PNKD: variants seen among roughly 807,000 people sequenced by gnomAD.
PNKD encodes the protein PNKD metallo-beta-lactamase domain containing.
PNKD carries 36 observed loss-of-function variants against 45.3 expected under a neutral mutation model. The observed-to-expected ratio is 0.80, with a 90% CI of 0.61 to 1.05. The LOEUF (loss-of-function observed/expected upper bound fraction) is 1.05, where lower values mean the gene tolerates loss of function less well. Among genes scored for constraint, PNKD ranks in the 50% least tolerant of loss-of-function variants. PNKD has a pLI of 0.00. For synonymous variants in PNKD, 197 were observed against 210.1 expected (o/e 0.94, Z 0.54); for missense variants, 511 against 506.6 (o/e 1.01, Z -0.08).
rs1324321693 is a variant in PNKD at position 218,315,127 on chromosome 2, TTC to T, written c.237-24654_237-24653del. On this transcript the variant is annotated intron_variant, in intron 2 of 9. Transcript: ENST00000273077. ...TTCCTTCCTTCCTTCCTTCCTTTCTTTCTTTCTTTCTTTCTTTCTTCTTTCTT... is the reference window on the plus strand; with the variant it reads ...TTCCTTCCTTCCTTCCTTCCTTTCTTTTTCTTTCTTTCTTTCTTCTTTCTT... Among the ~76,000 whole-genome samples the T allele has an allele frequency of 2.1e-5, 3 of 145,076 alleles. No homozygotes were observed. The East Asian group carries it at 6.0e-4, about 29-fold the overall frequency.
chr2:218,277,037 C>T lies in PNKD; in HGVS notation c.236+5488C>T. ...AGTAGAGCACAATGCTAGTGACAATCCCAGTCACCAGGAGCACAATTCCCA... is the reference window on the plus strand; with the variant it reads ...AGTAGAGCACAATGCTAGTGACAATTCCAGTCACCAGGAGCACAATTCCCA... On this transcript the variant is annotated intron_variant, in intron 2 of 9. Coordinates refer to ENST00000273077, the MANE Select transcript of PNKD (RefSeq NM_015488.5). 2.5e-6 allele frequency: 4 copies of T among 1,614,152 alleles called. No homozygotes were observed. In the African/African-American group the frequency reaches 4.0e-5, roughly 16 times the overall value.
chr2:218,308,378 G>T (rs201822753), intron 2 of PNKD, among the ~76,000 whole-genome samples: 1 of 151,634 alleles, frequency 6.6e-6, no homozygotes, highest in African/African-American at 2.4e-5. Flanking sequence ...TAGTAGAGAC[G>T]GGGTTTCACC....
chr2:218,340,797 C>T lies in PNKD; in HGVS notation c.524+11C>T. 6.2e-7 allele frequency: 1 copy of T among 1,611,670 alleles called. No individual in the cohort carries two copies. The highest frequency in any genetic ancestry group is 1.1e-5 in the South Asian group (1 of 91,010). ...TACTCACAAGCACTGGTAAGGGGCT[C>T]CCGTCTTCCCTGGCCCACCCTTGTC... On this transcript the variant is annotated intron_variant, in intron 5 of 9. Transcript: ENST00000273077. The surrounding 1 kb of genome is among the most constrained non-coding windows in gnomAD (Gnocchi z 4.2).
At chr2:218,333,692 G>A (rs183298884) in intron 2 of PNKD, among the ~76,000 whole-genome samples, 319 of 152,284 alleles carry the variant, frequency 2.1e-3, no homozygotes, top group African/African-American at 7.5e-3. Context: ...AGATCTTTCT[G>A]TTGCCAGAGC....
chr2:218,343,735 A>C, intron 8 of PNKD, 149 bp downstream of exon 8: 1 of 669,476 alleles, frequency 1.5e-6, no homozygotes, highest in Non-Finnish European at 2.7e-6. Context: ...GTAGGGACAG[A>C]GTTCTGGCCT....
At chr2:218,279,188 A>G (rs1413959100) in intron 2 of PNKD, 1 of 1,578,904 alleles carries the variant, frequency 6.3e-7, no homozygotes. Flanking sequence ...CTAATTGCCC[A>G]TGGTCACCCT....
intron 2 of PNKD, among the ~76,000 whole-genome samples, chr2:218,285,448 C>A (rs1169679548): frequency 6.6e-6 from 1 of 152,046 alleles, no homozygotes; most frequent in Non-Finnish European, 1.5e-5. Flanking sequence ...GAGGCTGACA[C>A]AAGTGGAAGC....
chr2:218,341,906 T>G, intron 6 of PNKD, 75 bp from the exon 7 acceptor site: 1 of 1,241,574 alleles, frequency 8.1e-7, no homozygotes, highest in Non-Finnish European at 1.2e-6. Flanking sequence ...CCCAGCCCCT[T>G]GGGCCTGGGA....
chr2:218,332,002 C>T (rs533823624), intron 2 of PNKD, among the ~76,000 whole-genome samples: 1 of 152,294 alleles, frequency 6.6e-6, no homozygotes, highest in East Asian at 1.9e-4. Context: ...GGGATTATCA[C>T]TGGGCGGTAC....
intron 2 of PNKD, among the ~76,000 whole-genome samples, chr2:218,315,057 TCTTC>T (rs1393170995): frequency 5.4e-5 from 3 of 55,542 alleles, no homozygotes; most frequent in African/African-American, 1.8e-4. Flanking sequence ...TTTCTTTCTT[TCTTC>T]CTTCCTTCCT....
chr2:218,312,966 T>C (rs1476533023), intron 2 of PNKD, among the ~76,000 whole-genome samples: 1 of 152,050 alleles, frequency 6.6e-6, no homozygotes, highest in East Asian at 1.9e-4. Context: ...TTTAGGTAAT[T>C]ACAGATTTAC....
intron 2 of PNKD, among the ~76,000 whole-genome samples, chr2:218,296,671 TTTTC>T (rs888979453): frequency 1.7e-4 from 25 of 148,530 alleles, no homozygotes; most frequent in East Asian, 1.2e-3. Flanking sequence ...CTGTTTTTCT[TTTTC>T]TTTCTTTCTT....
At chr2:218,277,167 G>A in intron 2 of PNKD, 1 of 1,417,796 alleles carries the variant, frequency 7.1e-7, no homozygotes, top group Non-Finnish European at 1.0e-6. Context: ...GACTGGCCCT[G>A]CCAGGGAGTC....
chr2:218,275,739 C>A, intron 2 of PNKD: 1 of 1,259,372 alleles, frequency 7.9e-7, no homozygotes, highest in South Asian at 1.5e-5. Context: ...GCCACATTAA[C>A]GCACAGCATA....
chr2:218,315,102 TTCC>T, intron 2 of PNKD, among the ~76,000 whole-genome samples: 1 of 127,760 alleles, frequency 7.8e-6, no homozygotes, highest in Non-Finnish European at 1.6e-5. Context: ...CTCTCCTTCC[TTCC>T]TTCCTTCCTT....
At chr2:218,277,300 G>C (rs2168703) in intron 2 of PNKD, 1 of 1,437,346 alleles carries the variant, frequency 7.0e-7, no homozygotes, top group East Asian at 2.3e-5. Flanking sequence ...TCCCTAGTGT[G>C]CCGGGGTCCG....
chr2:218,289,818 G>C (rs1029199637), intron 2 of PNKD: 2 of 152,136 alleles, frequency 1.3e-5, no homozygotes, highest in Non-Finnish European at 2.9e-5. Context: ...CATGTTCTCA[G>C]TATGGGGCTG....
intron 2 of PNKD, chr2:218,280,194 T>C (rs1476021667): frequency 8.6e-7 from 1 of 1,161,354 alleles, no homozygotes; most frequent in Non-Finnish European, 1.3e-6. Flanking sequence ...AAAGCCTCCC[T>C]GACAATCTCA....
At chr2:218,323,492 T>C in intron 2 of PNKD, 1 of 602,044 alleles carries the variant, frequency 1.7e-6, no homozygotes, top group Non-Finnish European at 2.1e-6. Flanking sequence ...GAGAGGGGAC[T>C]GGGAGGCGGG....
Sources: allele counts gnomAD v4.1 joint callset (sites outside exome capture counted in the v4.1 genomes callset), GRCh38; gene constraint gnomAD v4.1.1; non-coding constraint Gnocchi (gnomAD v3.1); transcripts MANE v1.5; gene names NCBI Gene and HGNC (gene_info 2026-07-23, HGNC 2026-07-21).